Variants in CTNNA3 observed in about 807,000 individuals in gnomAD.
The protein encoded by CTNNA3 is catenin alpha-3.
A neutral mutation model predicts 95.7 loss-of-function variants in CTNNA3; 76 were observed. The observed-to-expected ratio is 0.79, with a 90% CI of 0.66 to 0.96. CTNNA3 has a LOEUF of 0.96. Among genes scored for constraint, CTNNA3 ranks in the 40% least tolerant of loss-of-function variants. CTNNA3 has a pLI of 0.00. For synonymous variants in CTNNA3, 431 were observed against 374.4 expected (o/e 1.15, Z -1.74); for missense variants, 1,191 against 1,089.8 (o/e 1.09, Z -1.31).
intron 12 of CTNNA3, among the ~76,000 whole-genome samples, chr10:66,372,024 A>C (rs1379617429): frequency 6.6e-6 from 1 of 152,132 alleles, no homozygotes; most frequent in African/African-American, 2.4e-5. Context: ...TTAAGTGTTC[A>C]GAGGGGGCTG....
intron 9 of CTNNA3, among the ~76,000 whole-genome samples, chr10:66,721,410 T>C (rs1470745159): frequency 6.6e-6 from 1 of 152,214 alleles, no homozygotes; most frequent in Non-Finnish European, 1.5e-5. Flanking sequence ...ATTAGTATAG[T>C]AGTGCATATG....
intron 1 of CTNNA3, among the ~76,000 whole-genome samples, chr10:67,705,221 G>A (rs368462379): frequency 3.3e-5 from 5 of 151,994 alleles, no homozygotes; most frequent in African/African-American, 4.8e-5. Flanking sequence ...ACAGTGTGGC[G>A]ATTCCTCAGG....
intron 10 of CTNNA3, among the ~76,000 whole-genome samples, chr10:66,585,592 T>A (rs1187162057): frequency 6.6e-6 from 1 of 152,000 alleles, no homozygotes; most frequent in African/African-American, 2.4e-5. Flanking sequence ...TTTTCATTCA[T>A]GTCCTGAATT....
chr10:66,106,929 C>T (rs1355148286), intron 13 of CTNNA3, among the ~76,000 whole-genome samples: 1 of 152,040 alleles, frequency 6.6e-6, no homozygotes, highest in Non-Finnish European at 1.5e-5. Context: ...TTACAGTTAC[C>T]TGAGTTTGAT....
intron 7 of CTNNA3, among the ~76,000 whole-genome samples, chr10:67,061,160 G>A (rs1409901988): frequency 6.6e-6 from 1 of 152,162 alleles, no homozygotes; most frequent in African/African-American, 2.4e-5. Context: ...CTTTGAGAGA[G>A]TTATCACCTT....
At chr10:67,726,287 T>G (rs1320553909) in intron 1 of CTNNA3, among the ~76,000 whole-genome samples, 1 of 99,220 alleles carries the variant, frequency 1.0e-5, no homozygotes, top group Non-Finnish European at 1.8e-5. Context: ...TTATATTACA[T>G]ATTATATATG....
chr10:66,717,655 C>A (rs1848496154), intron 9 of CTNNA3, among the ~76,000 whole-genome samples: 1 of 152,116 alleles, frequency 6.6e-6, no homozygotes, highest in Non-Finnish European at 1.5e-5. Flanking sequence ...AGGAAGCAGT[C>A]TCCCTGAAGC....
intron 3 of CTNNA3, among the ~76,000 whole-genome samples, chr10:67,593,960 A>T (rs1361877767): frequency 6.6e-6 from 1 of 152,140 alleles, no homozygotes; most frequent in Non-Finnish European, 1.5e-5. Flanking sequence ...GAGGGTTTTT[A>T]AACTGAAAGG....
chr10:66,765,062 T>C (rs1839784952), intron 9 of CTNNA3, among the ~76,000 whole-genome samples: 1 of 152,152 alleles, frequency 6.6e-6, no homozygotes, highest in African/African-American at 2.4e-5. Context: ...AAAGAAGATT[T>C]CAAAGTTGGA....
At chr10:67,523,906 T>A (rs1840059028) in intron 4 of CTNNA3, among the ~76,000 whole-genome samples, 1 of 152,314 alleles carries the variant, frequency 6.6e-6, no homozygotes, top group South Asian at 2.1e-4. Flanking sequence ...TTCTAAAAAA[T>A]TTAAGTAATT....
At chr10:67,741,309 TAATAAAAA>T (rs1373799941) in intron 1 of CTNNA3, among the ~76,000 whole-genome samples, 45 of 67,914 alleles carry the variant, frequency 6.6e-4, no homozygotes, top group East Asian at 3.7e-4. Context: ...TAAAGTATAA[TAATAAAAA>T]AATAAAAAAA....
intron 5 of CTNNA3, among the ~76,000 whole-genome samples, chr10:67,238,900 T>C (rs571277325): frequency 1.8e-4 from 27 of 152,128 alleles, no homozygotes; most frequent in Non-Finnish European, 1.5e-4. Flanking sequence ...ATATTAGGAG[T>C]TTAATACATT....
upstream of CTNNA3, among the ~76,000 whole-genome samples, chr10:67,697,561 C>A (rs548432328): frequency 6.6e-6 from 1 of 152,126 alleles, no homozygotes; most frequent in South Asian, 2.1e-4. Flanking sequence ...TAGATGAGAA[C>A]TCTTATTCTT....
chr10:66,800,243 C>G (rs1589268448), intron 7 of CTNNA3, among the ~76,000 whole-genome samples: 1 of 151,192 alleles, frequency 6.6e-6, no homozygotes, highest in Middle Eastern at 3.7e-3. Flanking sequence ...GTTATATATA[C>G]TACACTAATA....
rs4423081 is a variant in CTNNA3, at chr10:66,767,648, A to T, written c.1129-1232T>A. Among the ~76,000 whole-genome samples, 288 of 151,960 alleles carry T rather than the reference A, an allele frequency of 1.9e-3. 2 individuals carry two copies. Among genetic ancestry groups the T allele is most frequent in the African/African-American group, 6.8e-3 (281 of 41,460 alleles). On this transcript the variant is annotated intron_variant, in intron 8 of 17. Transcript: ENST00000433211. ...TTACATTTTAGAGTATTTTTTTAAA[A>T]GAATAGACACTTAGTTTAGTTTTAG...
At chr10:67,706,366 G>A (rs535961175) in intron 1 of CTNNA3, among the ~76,000 whole-genome samples, 17 of 151,864 alleles carry the variant, frequency 1.1e-4, no homozygotes, top group African/African-American at 4.8e-5. Context: ...AAAGAGCTAA[G>A]TAGGAAGTGA....
At position 66,186,448 on chromosome 10, in the gene CTNNA3, G is replaced by C. The variant is rs527417396; in HGVS notation, c.1885-83199C>G. 9.9e-5 allele frequency among the ~76,000 whole-genome samples: 15 copies of C among 152,160 alleles called. No homozygotes were observed. The South Asian group carries it at 3.1e-3, about 32-fold the overall frequency. On this transcript the variant is annotated intron_variant, in intron 13 of 17. Coordinates refer to ENST00000433211, the MANE Select transcript of CTNNA3 (RefSeq NM_013266.4). Reference sequence around the variant, plus strand: ...TTAAGAAGATAAGTATGCTTAAAATGTGTATGCTTAAAGAAAATCTTCATC... The same window carrying C: ...TTAAGAAGATAAGTATGCTTAAAATCTGTATGCTTAAAGAAAATCTTCATC...
intron 2 of CTNNA3, among the ~76,000 whole-genome samples, chr10:67,638,214 C>T (rs1382908106): frequency 6.6e-6 from 1 of 152,140 alleles, no homozygotes; most frequent in African/African-American, 2.4e-5. Context: ...GGTTGCAATC[C>T]TAGTCTCTGA....
intron 13 of CTNNA3, among the ~76,000 whole-genome samples, chr10:66,171,739 A>G (rs1325130798): frequency 6.6e-6 from 1 of 152,096 alleles, no homozygotes; most frequent in African/African-American, 2.4e-5. Flanking sequence ...TGATGGAATT[A>G]GCTGAAACTT....
Sources: gnomAD v4.1 joint callset for allele counts (sites outside exome capture counted in the v4.1 genomes callset) on GRCh38, gnomAD v4.1.1 for gene constraint, MANE v1.5 for transcripts, NCBI Gene and HGNC (gene_info 2026-07-23, HGNC 2026-07-21) for gene names.